The following PIP5K1C variants were observed in gnomAD, a reference collection of about 807,000 sequenced individuals.
The protein encoded by PIP5K1C is phosphatidylinositol-4-phosphate 5-kinase type 1 gamma, also known as phosphatidylinositol 4-phosphate 5-kinase type-1 gamma.
PIP5K1C carries 45 observed loss-of-function variants against 80.1 expected under a neutral mutation model. That is an observed-to-expected ratio of 0.56 (90% CI 0.44 to 0.72). The LOEUF (loss-of-function observed/expected upper bound fraction) is 0.72, where lower values mean the gene tolerates loss of function less well. Ranked by LOEUF, PIP5K1C falls within the 30% of genes least tolerant of loss-of-function variation. The pLI is 0.00. For missense variants in PIP5K1C, 753 were observed against 954.6 expected (o/e 0.79, Z 2.78); for synonymous variants, 498 against 420.1 (o/e 1.19, Z -2.27).
chr19:3,670,070 G>C (rs57459298), intron 1 of PIP5K1C, among the ~76,000 whole-genome samples: 3,021 of 145,654 alleles, frequency 0.021, 126 homozygotes, highest in African/African-American at 0.072. Flanking sequence ...GTGGGGAGGG[G>C]ACTGCGGTCA....
chr19:3,662,956 G>T (rs997890892), intron 3 of PIP5K1C, among the ~76,000 whole-genome samples: 2 of 152,160 alleles, frequency 1.3e-5, no homozygotes, highest in African/African-American at 2.4e-5. Flanking sequence ...CCGCCTCCTG[G>T]GTTCAAGCTA....
chr19:3,668,717 C>G (rs966369215), intron 1 of PIP5K1C, among the ~76,000 whole-genome samples: 1 of 152,134 alleles, frequency 6.6e-6, no homozygotes, highest in Admixed American at 6.5e-5. Flanking sequence ...TCACGGTCAA[C>G]AGGGGTGGGC....
rs931835128 is a variant in PIP5K1C, at chr19:3,632,887, C to T, written c.*280G>A. On this transcript the variant is annotated 3_prime_UTR_variant, in exon 18 of 18. Transcript: ENST00000335312. Reference sequence around the variant, plus strand: ...TTTGTTCTTTTCCTAAAACGGCACACACGTGCTTCCGTCTCTGTGCCAAAT... The same window carrying T: ...TTTGTTCTTTTCCTAAAACGGCACATACGTGCTTCCGTCTCTGTGCCAAAT... The T allele has an allele frequency of 2.0e-6, 1 of 496,568 alleles. No homozygotes were observed. Among genetic ancestry groups the T allele is most frequent in the Non-Finnish European group, 3.5e-6 (1 of 282,216 alleles). 30.8% of individuals were successfully genotyped at this position (496,568 alleles called of 1,614,324 possible).
At chr19:3,652,118 G>T in intron 7 of PIP5K1C, 87 bp from the exon 8 acceptor site, 1 of 1,297,432 alleles carries the variant, frequency 7.7e-7, no homozygotes, top group Non-Finnish European at 1.1e-6. Flanking sequence ...TTCCCAGCAC[G>T]GATGGCCCCG....
At chr19:3,667,020 C>A (rs1168355453) in intron 2 of PIP5K1C, among the ~76,000 whole-genome samples, 1 of 144,924 alleles carries the variant, frequency 6.9e-6, no homozygotes, top group Non-Finnish European at 1.5e-5. Flanking sequence ...AGAATCCAGG[C>A]TCCACGTGGC....
chr19:3,653,700 C>T (rs1038025365), intron 6 of PIP5K1C, 111 bp from the exon 7 acceptor site: 2 of 1,029,272 alleles, frequency 1.9e-6, no homozygotes, highest in Admixed American at 2.6e-5. Flanking sequence ...GGCCAGCCCC[C>T]CTCTCTCCCC....
At position 3,668,997 on chromosome 19, in the gene PIP5K1C, A is replaced by G. The variant is rs181255176; in HGVS notation, c.95-1644T>C. Among the ~76,000 whole-genome samples, 239 of 152,280 alleles carry G rather than the reference A, an allele frequency of 1.6e-3. 2 individuals carry two copies. Among genetic ancestry groups the G allele is most frequent in the African/African-American group, 5.5e-3 (230 of 41,542 alleles). On this transcript the variant is annotated intron_variant, in intron 1 of 17. Coordinates refer to ENST00000335312, the MANE Select transcript of PIP5K1C (RefSeq NM_012398.3). ...TTGGATTCCGATGCTGGCACCACCC[A>G]GGGCCCAGGGGCATGGAGACAAATG...
chr19:3,679,250 G>A (rs1192031894), intron 1 of PIP5K1C, among the ~76,000 whole-genome samples: 1 of 152,090 alleles, frequency 6.6e-6, no homozygotes, highest in Non-Finnish European at 1.5e-5. Flanking sequence ...CACAGAGGAT[G>A]CCCCCAAGCT....
chr19:3,633,365 A>G (rs2145357962), intron 17 of PIP5K1C, 72 bp downstream of exon 17: 1 of 1,221,030 alleles, frequency 8.2e-7, no homozygotes, highest in South Asian at 1.6e-5. Flanking sequence ...TGCCTATCCC[A>G]GTAGCTGGGG....
chr19:3,641,228 A>T (rs954187077), intron 15 of PIP5K1C, among the ~76,000 whole-genome samples: 8 of 152,064 alleles, frequency 5.3e-5, no homozygotes, highest in African/African-American at 9.7e-5. Context: ...AAAAAAATTT[A>T]AAAAATTAAA....
intron 2 of PIP5K1C, 40 bp from the exon 3 acceptor site, chr19:3,664,954 C>T (rs1028769740): frequency 5.4e-6 from 8 of 1,493,826 alleles, no homozygotes; most frequent in Non-Finnish European, 6.5e-6. Context: ...CCCTAAGGAG[C>T]ACGCCCACCG....
chr19:3,640,409 G>A (rs778254171), intron 15 of PIP5K1C, among the ~76,000 whole-genome samples: 99 of 151,988 alleles, frequency 6.5e-4, no homozygotes, highest in Non-Finnish European at 1.2e-3. Context: ...CCAGCTACTC[G>A]GGAGGCTGAG....
intron 1 of PIP5K1C, among the ~76,000 whole-genome samples, chr19:3,668,734 C>T (rs573776778): frequency 6.6e-6 from 1 of 152,208 alleles, no homozygotes; most frequent in Non-Finnish European, 1.5e-5. Context: ...GGGCGCAGGG[C>T]TGGGTGTTTG....
chr19:3,633,386 G>C, intron 17 of PIP5K1C, 51 bp downstream of exon 17: 1 of 1,377,586 alleles, frequency 7.3e-7, no homozygotes, highest in Non-Finnish European at 9.8e-7. Flanking sequence ...ACCACGCTCA[G>C]TAGAACCTTG....
At chr19:3,656,682 G>C in intron 5 of PIP5K1C, 125 bp from the exon 6 acceptor site, 1 of 1,055,130 alleles carries the variant, frequency 9.5e-7, no homozygotes, top group South Asian at 1.3e-5. Context: ...GATGCGGAAA[G>C]AGAGGCTCAG....
intron 2 of PIP5K1C, among the ~76,000 whole-genome samples, chr19:3,665,770 G>A (rs1167836843): frequency 4.6e-5 from 7 of 152,106 alleles, no homozygotes; most frequent in Admixed American, 3.3e-4. Context: ...TGTTGCCCTC[G>A]AGGGAGGATG....
chr19:3,633,522 T>C lies in PIP5K1C; in HGVS notation c.1921-2A>G. 1 of 1,487,234 alleles carries C rather than the reference T, an allele frequency of 6.7e-7. No homozygotes were observed. Among genetic ancestry groups the C allele is most frequent in the Non-Finnish European group, 9.0e-7 (1 of 1,112,936 alleles). 92.1% of individuals were successfully genotyped at this position (1,487,234 alleles called of 1,614,324 possible). ...CACCCAGCTCCTCTCATCGGTGGGC[T>C]GGCAGGTGGGCGCGCGTGCAGGAGG... On this transcript the variant is annotated splice_acceptor_variant, in intron 16 of 17. Transcript: ENST00000335312. LOFTEE classifies it high-confidence loss of function.
At chr19:3,647,317 G>C (rs771736948) in intron 10 of PIP5K1C, 21 bp downstream of exon 10, 7 of 1,560,856 alleles carry the variant, frequency 4.5e-6, no homozygotes, top group Non-Finnish European at 8.7e-7. Flanking sequence ...GGAGGAATGG[G>C]AGGAGGGTGC....
chr19:3,667,565 C>T (rs1381834142), intron 1 of PIP5K1C, among the ~76,000 whole-genome samples: 1 of 152,184 alleles, frequency 6.6e-6, no homozygotes, highest in Non-Finnish European at 1.5e-5. Context: ...CCATGGTCAC[C>T]CTGGTTGGCA....
Sources: gnomAD v4.1 joint callset for allele counts (sites outside exome capture counted in the v4.1 genomes callset) on GRCh38, gnomAD v4.1.1 for gene constraint, MANE v1.5 for transcripts, NCBI Gene and HGNC (gene_info 2026-07-23, HGNC 2026-07-21) for gene names.